The following IFT140 variants were observed in gnomAD, a reference collection of about 807,000 sequenced individuals.
IFT140 encodes the protein intraflagellar transport 140.
A neutral mutation model predicts 164.6 loss-of-function variants in IFT140; 133 were observed. The ratio of observed to expected loss-of-function variants is 0.81; its 90% CI spans 0.70 to 0.93. The LOEUF is 0.93. Among genes scored for constraint, IFT140 ranks in the 40% least tolerant of loss-of-function variants. The probability of loss-of-function intolerance (pLI) is 0.00; values close to 1 mark genes in which losing one functional copy is unlikely to be tolerated. For synonymous variants in IFT140, 860 were observed against 817.3 expected (o/e 1.05, Z -0.89); for missense variants, 2,045 against 1,972.3 (o/e 1.04, Z -0.70).
chr16:1,521,003 C>G (rs551625160), intron 26 of IFT140, among the ~76,000 whole-genome samples, 195 bp from the exon 27 acceptor site: 23 of 152,322 alleles, frequency 1.5e-4, no homozygotes, highest in African/African-American at 5.5e-4. Context: ...TACTTTCTCA[C>G]GCTGTTAACA....
chr16:1,553,427 G>C lies in IFT140; in HGVS notation c.2399+4508C>G, dbSNP rs528603616. On this transcript the variant is annotated intron_variant, in intron 19 of 30. Coordinates refer to ENST00000426508, the MANE Select transcript of IFT140 (RefSeq NM_014714.4). This position sits in a 1 kb window ranked among gnomAD's most constrained non-coding sequence, Gnocchi z 4.4. ...AATGCAGGGGAGGCGGTTGGGAGTG[G>C]AGAGACCGGCATGAACAGACGCACA... The C allele has an allele frequency of 5.4e-5, 53 of 985,398 alleles. 1 individual carries two copies. The African/African-American group carries it at 8.5e-4, about 16-fold the overall frequency. The allele number at this position is 985,398 out of a possible 1,614,324, so 61.0% of individuals were successfully genotyped here.
At position 1,566,339 on chromosome 16, in the gene IFT140, C is replaced by T. The variant is rs754676619; in HGVS notation, c.1771-48G>A. The T allele has an allele frequency of 3.3e-5, 53 of 1,603,102 alleles. No individual in the cohort carries two copies. In the East Asian group the frequency reaches 4.7e-4, roughly 14 times the overall value. ...AGCTCACGGAGCCTGCCCAGACCAG[C>T]GGGTTGGTGGGCTGTGCTAGGGGAC... On this transcript the variant is annotated intron_variant, in intron 15 of 30. Coordinates refer to ENST00000426508, the MANE Select transcript of IFT140 (RefSeq NM_014714.4).
intron 12 of IFT140, among the ~76,000 whole-genome samples, chr16:1,581,788 G>T (rs1244694011): frequency 2.7e-5 from 3 of 112,406 alleles, no homozygotes; most frequent in Non-Finnish European, 5.6e-5. Context: ...GCGGAGGGGA[G>T]GGGAGGGGAG....
intron 26 of IFT140, among the ~76,000 whole-genome samples, chr16:1,521,027 C>G (rs987239678): frequency 6.6e-6 from 1 of 152,094 alleles, no homozygotes; most frequent in Non-Finnish European, 1.5e-5. Flanking sequence ...CAGAATGGAA[C>G]GAAGGAAACA....
chr16:1,535,935 C>G (rs1021325786), intron 19 of IFT140, among the ~76,000 whole-genome samples: 1 of 152,258 alleles, frequency 6.6e-6, no homozygotes, highest in East Asian at 1.9e-4. Flanking sequence ...TCCGGCCAGG[C>G]GCCCTTCTTC....
chr16:1,560,091 G>A (rs1246496497), intron 18 of IFT140, among the ~76,000 whole-genome samples: 1 of 152,206 alleles, frequency 6.6e-6, no homozygotes, highest in Non-Finnish European at 1.5e-5. Flanking sequence ...AAATAAAAGA[G>A]AAATTAAAGC....
At chr16:1,549,996 G>A (rs915317031) in intron 19 of IFT140, among the ~76,000 whole-genome samples, 9 of 151,234 alleles carry the variant, frequency 6.0e-5, no homozygotes, top group East Asian at 1.9e-4. Context: ...CTTTTTTGTC[G>A]CCCAGGCTGA....
At chr16:1,513,220 T>G (rs1596285483) in intron 30 of IFT140, 1 of 152,238 alleles carries the variant, frequency 6.6e-6, no homozygotes, top group African/African-American at 2.4e-5. Flanking sequence ...CCGGGCGCGG[T>G]GGCTCACGCC....
At chr16:1,583,549 C>T (rs1004201216) in intron 11 of IFT140, among the ~76,000 whole-genome samples, 163 bp from the exon 12 acceptor site, 3 of 151,544 alleles carry the variant, frequency 2.0e-5, no homozygotes, top group Non-Finnish European at 2.9e-5. Flanking sequence ...CAGGCTGAGG[C>T]TGTTTTCCGT....
chr16:1,592,531 G>A lies in IFT140; in HGVS notation c.427C>T (p.Leu143=). The change falls in exon 5 of 31, where the codon CTG becomes TTG. Residue 143 remains leucine, a synonymous_variant. Coordinates refer to ENST00000426508, the MANE Select transcript of IFT140 (RefSeq NM_014714.4). The part of the protein sequence containing the change: ...DQRGRVQGTP[L]LKHEYGKHLT... ...TGTTTCCCATACTCGTGTTTCAGCA[G>A]AGGCGTCCCTTGCACTCGGCCCCTT... 1 of 1,614,248 alleles carries A rather than the reference G, an allele frequency of 6.2e-7. No homozygotes were observed. The highest frequency in any genetic ancestry group is 8.5e-7 in the Non-Finnish European group (1 of 1,180,040).
chr16:1,552,680 G>A (rs372040317), intron 19 of IFT140, among the ~76,000 whole-genome samples: 1 of 135,600 alleles, frequency 7.4e-6, no homozygotes, highest in Non-Finnish European at 1.5e-5. Flanking sequence ...ATGGAGTCTC[G>A]CTCTGTCGCC....
intron 29 of IFT140, among the ~76,000 whole-genome samples, chr16:1,518,679 G>A (rs1015531430): frequency 2.0e-5 from 3 of 151,856 alleles, no homozygotes; most frequent in African/African-American, 7.3e-5. Context: ...GGGATGTGGT[G>A]CATGTGGACA....
intron 19 of IFT140, among the ~76,000 whole-genome samples, chr16:1,546,383 G>A (rs2032173387): frequency 6.6e-6 from 1 of 152,186 alleles, no homozygotes; most frequent in East Asian, 1.9e-4. Flanking sequence ...AGAGCAGGTG[G>A]CCTGGGTTCT....
Position 1,587,934 on chromosome 16 carries a change from T to C in IFT140, c.901A>G (p.Arg301Gly). 3 of 1,609,660 alleles carry C rather than the reference T, an allele frequency of 1.9e-6. No individual in the cohort carries two copies. In the African/African-American group the frequency reaches 4.0e-5, roughly 21 times the overall value. ...GGCACTGGAAAGGCAGACTCTCACC[T>C]GAGGGCAGCCTCCCCGACGGCCATC... ...LVMAVGEAAL[R>G]FWDIERGENY... Residue 301 changes from arginine to glycine, a missense_variant and splice_region_variant, in exon 8 of 31, where the codon AGA becomes GGA. By Grantham distance (125) the Arg-to-Gly change is moderately radical. Transcript: ENST00000426508.
At chr16:1,585,915 C>T (rs1197559146) in intron 10 of IFT140, among the ~76,000 whole-genome samples, 1 of 151,912 alleles carries the variant, frequency 6.6e-6, no homozygotes, top group African/African-American at 2.4e-5. Flanking sequence ...AGGCTACAGG[C>T]GCCCGCCACC....
rs2032873371 is a variant in IFT140, at chr16:1,553,822, C to T, written c.2399+4113G>A. The T allele has an allele frequency of 1.5e-5, 18 of 1,206,892 alleles. No homozygotes were observed. The highest frequency in any genetic ancestry group is 1.9e-5 in the Non-Finnish European group (18 of 949,572). 74.8% of individuals were successfully genotyped at this position (1,206,892 alleles called of 1,614,324 possible). Reference sequence around the variant, plus strand: ...TATGTTTCCAGCTGGATTAGGACGCCCGGCTCCATCGCTGCGGCCACAGTG... The same window carrying T: ...TATGTTTCCAGCTGGATTAGGACGCTCGGCTCCATCGCTGCGGCCACAGTG... On this transcript the variant is annotated intron_variant, in intron 19 of 30. Transcript: ENST00000426508. This position sits in a 1 kb window ranked among gnomAD's most constrained non-coding sequence, Gnocchi z 4.4.
intron 7 of IFT140, among the ~76,000 whole-genome samples, chr16:1,589,272 C>CTCT: frequency 6.6e-6 from 1 of 152,166 alleles, no homozygotes; most frequent in African/African-American, 2.4e-5. Flanking sequence ...CTGAGTTCTG[C>CTCT]AGGTGGAATG....
chr16:1,589,633 G>C lies in IFT140; in HGVS notation c.782C>G (p.Pro261Arg). The C allele has an allele frequency of 6.2e-7, 1 of 1,614,102 alleles. No homozygotes were observed. The highest frequency in any genetic ancestry group is 1.3e-5 in the African/African-American group (1 of 75,022). Residue 261 changes from proline (P) to arginine (R), a missense_variant, in exon 7 of 31, where the codon CCT becomes CGT. By Grantham distance (103) the Pro-to-Arg change is moderately radical. Coordinates refer to ENST00000426508, the MANE Select transcript of IFT140 (RefSeq NM_014714.4). ...NLRLSLYTVP[P>R]EGKAEEVMKV... Reference sequence around the variant, plus strand: ...CATCACTTCTTCTGCTTTGCCCTCAGGAGGCACCGTGTACAGGGACAGCCG... The same window carrying C: ...CATCACTTCTTCTGCTTTGCCCTCACGAGGCACCGTGTACAGGGACAGCCG...
In IFT140 at chr16:1,564,355, G is replaced by C. The variant is rs1028505732; in HGVS notation, c.1902-193C>G. Among the ~76,000 whole-genome samples, 22 of 152,250 alleles carry C rather than the reference G, an allele frequency of 1.4e-4. No homozygotes were observed. Among genetic ancestry groups the C allele is most frequent in the African/African-American group, 5.3e-4 (22 of 41,554 alleles). On this transcript the variant is annotated intron_variant, in intron 16 of 30. Coordinates refer to ENST00000426508, the MANE Select transcript of IFT140 (RefSeq NM_014714.4). This position sits in a 1 kb window ranked among gnomAD's most constrained non-coding sequence, Gnocchi z 5.5. Reference sequence around the variant, plus strand: ...ACATGTTCTCAGATTTTAACAACTGGGCTAAGGGTCCGAGCAAAGCCCAGT... The same window carrying C: ...ACATGTTCTCAGATTTTAACAACTGCGCTAAGGGTCCGAGCAAAGCCCAGT...
Sources: gnomAD v4.1 joint callset for allele counts (sites outside exome capture counted in the v4.1 genomes callset) on GRCh38, gnomAD v4.1.1 for gene constraint, Gnocchi (gnomAD v3.1) non-coding constraint, MANE v1.5 for transcripts, NCBI Gene and HGNC (gene_info 2026-07-23, HGNC 2026-07-21) for gene names.